The following CERS6 variants were observed in gnomAD, a reference collection of about 807,000 sequenced individuals.
CERS6 encodes the protein ceramide synthase 6.
Under a neutral mutation model 56.8 loss-of-function variants are expected in CERS6, and 26 were observed. The ratio of observed to expected loss-of-function variants is 0.46; its 90% CI spans 0.34 to 0.63. CERS6 has a LOEUF of 0.63. CERS6 is among the 30% of genes least tolerant of loss of function. The pLI is 0.01. For synonymous variants in CERS6, 164 were observed against 173.3 expected (o/e 0.95, Z 0.42); for missense variants, 415 against 467.5 (o/e 0.89, Z 1.04).
At chr2:168,752,823 T>G (rs1028552008) in intron 8 of CERS6, among the ~76,000 whole-genome samples, 2 of 152,198 alleles carry the variant, frequency 1.3e-5, no homozygotes, top group African/African-American at 2.4e-5. Flanking sequence ...GATGGGATCT[T>G]GTATGTTTTT....
chr2:168,661,958 A>G (rs1469548711), intron 4 of CERS6, among the ~76,000 whole-genome samples: 1 of 152,226 alleles, frequency 6.6e-6, no homozygotes, highest in Non-Finnish European at 1.5e-5. Flanking sequence ...AAGATTTATG[A>G]AAGTAGATTG....
chr2:168,673,944 C>T (rs991675217), intron 4 of CERS6, among the ~76,000 whole-genome samples: 4 of 152,048 alleles, frequency 2.6e-5, no homozygotes, highest in Admixed American at 6.5e-5. Flanking sequence ...TGGCCATATG[C>T]GATCATTTCT....
intron 2 of CERS6, among the ~76,000 whole-genome samples, chr2:168,559,733 T>TTATATATATATATATATATATATATA (rs61031993): frequency 0.023 from 1,549 of 66,080 alleles, 495 homozygotes; most frequent in East Asian, 0.039. Context: ...TAGAAAGGTA[T>TTATATATATATATATATATATATATA]CATATATATA....
intron 3 of CERS6, among the ~76,000 whole-genome samples, chr2:168,619,646 A>T (rs931096874): frequency 3.3e-5 from 5 of 152,092 alleles, no homozygotes; most frequent in Admixed American, 6.5e-5. Flanking sequence ...GCAAATCAAA[A>T]CCACAATGTG....
At chr2:168,622,377 C>G (rs1185710602) in intron 3 of CERS6, among the ~76,000 whole-genome samples, 1 of 152,224 alleles carries the variant, frequency 6.6e-6, no homozygotes, top group Non-Finnish European at 1.5e-5. Flanking sequence ...TTTGGACCAG[C>G]TTGCTGTATA....
rs529040754 is a variant in CERS6 at position 168,632,728 on chromosome 2, G to T, written c.465+1686G>T. Among the ~76,000 whole-genome samples, 6 of 152,304 alleles carry T rather than the reference G, an allele frequency of 3.9e-5. No individual in the cohort carries two copies. In the South Asian group the frequency reaches 1.0e-3, roughly 26 times the overall value. ...CTTTACTACCTTGGAAGAGGAAACA[G>T]CTTTGGATGGAATTTCAGCTGATGT... On this transcript the variant is annotated intron_variant, in intron 4 of 9. Transcript: ENST00000305747.
rs986243871 is a variant in CERS6, at chr2:168,770,477, A to G, written c.*815A>G. On this transcript the variant is annotated 3_prime_UTR_variant, in exon 10 of 10. Coordinates refer to ENST00000305747, the MANE Select transcript of CERS6 (RefSeq NM_203463.3). ...CTGAAGCTCATAGTTATAAACAAGGAAATCACTGTTAAGAATGGGAATTTG... is the reference window on the plus strand; with the variant it reads ...CTGAAGCTCATAGTTATAAACAAGGGAATCACTGTTAAGAATGGGAATTTG... 6.6e-6 allele frequency: 1 copy of G among 152,602 alleles called. No homozygotes were observed. Among genetic ancestry groups the G allele is most frequent in the African/African-American group, 2.4e-5 (1 of 41,452 alleles). 9.5% of individuals were successfully genotyped at this position (152,602 alleles called of 1,614,324 possible).
Position 168,547,675 on chromosome 2 carries a change from GA to G in CERS6, c.254del (p.Lys85ArgfsTer45). ...AATTGCTCCGCCCAATGCCATTCTG[GA>G]AAAGGTCTTCACTGCAATTACAAAG... ...PQIAPPNAIL[E>X]KVFTAITKHP... On this transcript the variant is annotated frameshift_variant, in exon 2 of 10. Transcript: ENST00000305747. LOFTEE classifies it high-confidence loss of function. The G allele has an allele frequency of 6.2e-7, 1 of 1,612,542 alleles. No homozygotes were observed. The highest frequency in any genetic ancestry group is 8.5e-7 in the Non-Finnish European group (1 of 1,178,542).
chr2:168,619,031 A>T (rs536135577), intron 3 of CERS6, among the ~76,000 whole-genome samples: 1 of 152,236 alleles, frequency 6.6e-6, no homozygotes, highest in East Asian at 1.9e-4. Context: ...GACCAATGGA[A>T]CAGAACAGAG....
rs1444316334 is a variant in CERS6 at position 168,486,221 on chromosome 2, T to C, written c.170+29603T>C. On this transcript the variant is annotated intron_variant, in intron 1 of 9. Transcript: ENST00000305747. Reference sequence around the variant, plus strand: ...GTTGTTTTCTTATTATTAAGAGTTCTTTGCATATTTTGGATACCAGGTAGT... The same window carrying C: ...GTTGTTTTCTTATTATTAAGAGTTCCTTGCATATTTTGGATACCAGGTAGT... Among the ~76,000 whole-genome samples, 5 of 152,332 alleles carry C rather than the reference T, an allele frequency of 3.3e-5. No homozygotes were observed. In the East Asian group the frequency reaches 9.6e-4, roughly 29 times the overall value.
At chr2:168,718,004 T>G (rs757980061) in intron 8 of CERS6, 26 bp downstream of exon 8, 8 of 1,480,468 alleles carry the variant, frequency 5.4e-6, no homozygotes, top group Non-Finnish European at 7.5e-6. Flanking sequence ...TCCTTCCTGA[T>G]AGAGCCACCC....
chr2:168,773,596 C>T lies in CERS6; in HGVS notation c.*3934C>T, dbSNP rs1376365348. 1 of 152,208 alleles carries T rather than the reference C, an allele frequency of 6.6e-6. No homozygotes were observed. The highest frequency in any genetic ancestry group is 1.5e-5 in the Non-Finnish European group (1 of 68,042). 9.4% of individuals were successfully genotyped at this position (152,208 alleles called of 1,614,324 possible). ...GAAAATGCAATGAGCCCAGTTACTG[C>T]ACTTGCCACTACCATGCTGTCCATG... On this transcript the variant is annotated 3_prime_UTR_variant, in exon 10 of 10. Coordinates refer to ENST00000305747, the MANE Select transcript of CERS6 (RefSeq NM_203463.3).
chr2:168,643,564 A>G (rs1368555899), intron 4 of CERS6, among the ~76,000 whole-genome samples: 1 of 152,208 alleles, frequency 6.6e-6, no homozygotes, highest in African/African-American at 2.4e-5. Context: ...CACTTATTAT[A>G]ACTATTGTAG....
At chr2:168,645,370 C>T (rs1685173163) in intron 4 of CERS6, among the ~76,000 whole-genome samples, 1 of 150,668 alleles carries the variant, frequency 6.6e-6, no homozygotes, top group East Asian at 1.9e-4. Flanking sequence ...GAGTCTCTAA[C>T]TTAGCAGGAG....
intron 4 of CERS6, among the ~76,000 whole-genome samples, chr2:168,635,197 G>T (rs1359199809): frequency 2.0e-5 from 3 of 152,158 alleles, no homozygotes; most frequent in Non-Finnish European, 4.4e-5. Flanking sequence ...AGGACAAGGG[G>T]ATTACAGAAC....
At chr2:168,633,102 T>C (rs1684784731) in intron 4 of CERS6, among the ~76,000 whole-genome samples, 1 of 151,998 alleles carries the variant, frequency 6.6e-6, no homozygotes, top group South Asian at 2.1e-4. Flanking sequence ...AATTATTTTT[T>C]CTTAAACTAG....
At chr2:168,592,142 T>C (rs1239348271) in intron 3 of CERS6, among the ~76,000 whole-genome samples, 1 of 152,236 alleles carries the variant, frequency 6.6e-6, no homozygotes, top group African/African-American at 2.4e-5. Flanking sequence ...TTACATGTAC[T>C]TGACTTACCA....
intron 8 of CERS6, among the ~76,000 whole-genome samples, chr2:168,759,590 C>T (rs1221723290): frequency 2.0e-5 from 3 of 152,118 alleles, no homozygotes; most frequent in Non-Finnish European, 4.4e-5. Flanking sequence ...ATTGCTTAGC[C>T]TTGGTGGGTG....
intron 1 of CERS6, among the ~76,000 whole-genome samples, chr2:168,490,243 G>T (rs1326613254): frequency 1.3e-5 from 2 of 152,120 alleles, no homozygotes; most frequent in African/African-American, 4.8e-5. Context: ...AGAATTAGGG[G>T]ATTCGCTTCT....
Sources: gnomAD v4.1 joint callset for allele counts (sites outside exome capture counted in the v4.1 genomes callset) on GRCh38, gnomAD v4.1.1 for gene constraint, MANE v1.5 for transcripts, NCBI Gene and HGNC (gene_info 2026-07-23, HGNC 2026-07-21) for gene names.